The following GRM2 variants were observed in gnomAD, a reference collection of about 807,000 sequenced individuals.
GRM2 encodes the protein glutamate metabotropic receptor 2, also known as metabotropic glutamate receptor 2.
In GRM2, 35 loss-of-function variants were observed where a neutral mutation model predicts 60.4. The observed-to-expected ratio is 0.58, with a 90% CI of 0.44 to 0.77. GRM2 has a LOEUF of 0.77. Among genes scored for constraint, GRM2 ranks in the 30% least tolerant of loss-of-function variants. The pLI is 0.00. For missense variants in GRM2, 925 were observed against 1,199.5 expected (o/e 0.77, Z 3.38); for synonymous variants, 437 against 484.1 (o/e 0.90, Z 1.28).
In GRM2 at chr3:51,713,354, G is replaced by C; in HGVS notation, c.1288+44G>C. 1 of 1,304,708 alleles carries C rather than the reference G, an allele frequency of 7.7e-7. No homozygotes were observed. The highest frequency in any genetic ancestry group is 1.3e-5 in the South Asian group (1 of 74,586). The allele number at this position is 1,304,708 out of a possible 1,614,324, so 80.8% of individuals were successfully genotyped here. On this transcript the variant is annotated intron_variant, in intron 3 of 5. Transcript: ENST00000395052. The surrounding 1 kb of genome is among the most constrained non-coding windows in gnomAD (Gnocchi z 4.8). Reference sequence around the variant, plus strand: ...GTCCATTGGCCTGCTGGCTGTCAGAGGATGAGGGGAAGCAGAACTTCAGCT... The same window carrying C: ...GTCCATTGGCCTGCTGGCTGTCAGACGATGAGGGGAAGCAGAACTTCAGCT...
Position 51,709,352 on chromosome 3 carries a change from C to A in GRM2, c.369C>A (p.Asp123Glu). 6.3e-7 allele frequency: 1 copy of A among 1,593,888 alleles called. No individual in the cohort carries two copies. Among genetic ancestry groups the A allele is most frequent in the Non-Finnish European group, 8.6e-7 (1 of 1,164,278 alleles). ...GADGSRHICP[D>E]GSYATHGDAP... ...ATGGCTCACGCCACATCTGCCCCGA[C>A]GGCTCTTATGCGACCCATGGTGATG... is the stretch of plus-strand genomic sequence containing the variant. Residue 123 changes from aspartate (D) to glutamate (E), a missense_variant, in exon 2 of 6, where the codon GAC (aspartate) becomes GAA (glutamate). By Grantham distance (45) the Asp-to-Glu change is conservative. Transcript: ENST00000395052.
At position 51,716,135 on chromosome 3, in the gene GRM2, CG is replaced by C. The variant is rs1703892456; in HGVS notation, c.2364+1del. On this transcript the variant is annotated frameshift_variant and splice_region_variant, in exon 4 of 6. Transcript: ENST00000395052. LOFTEE classifies it high-confidence loss of function. This position sits in a 1 kb window ranked among gnomAD's most constrained non-coding sequence, Gnocchi z 4.0. Reference sequence around the variant, plus strand: ...CTTCTATGTCACCTCCAGTGACTACCGGGTGAGCTACCTGCCACAGAGGTCG... The same window carrying C: ...CTTCTATGTCACCTCCAGTGACTACCGGTGAGCTACCTGCCACAGAGGTCG... The part of the protein sequence containing the change: ...PIFYVTSSDY[R>X]VQTTTMCVSV... 2 of 1,596,336 alleles carry C rather than the reference CG, an allele frequency of 1.3e-6. No homozygotes were observed. Among genetic ancestry groups the C allele is most frequent in the African/African-American group, 2.7e-5 (2 of 74,636 alleles).
chr3:51,717,651 C>G lies in GRM2; in HGVS notation c.2379C>G (p.Thr793=). ...ACCCACCGCAGGTACAGACCACCAC[C>G]ATGTGCGTGTCAGTCAGCCTCAGCG... ...TSSDYRVQTT[T]MCVSVSLSGS... The change falls in exon 5 of 6, where the codon ACC becomes ACG. Residue 793 remains threonine, a synonymous_variant. Coordinates refer to ENST00000395052, the MANE Select transcript of GRM2 (RefSeq NM_000839.5). This position sits in a 1 kb window ranked among gnomAD's most constrained non-coding sequence, Gnocchi z 6.0. 1 of 1,613,540 alleles carries G rather than the reference C, an allele frequency of 6.2e-7. No individual in the cohort carries two copies. Among genetic ancestry groups the G allele is most frequent in the Non-Finnish European group, 8.5e-7 (1 of 1,179,876 alleles).
chr3:51,713,377 G>T lies in GRM2; in HGVS notation c.1288+67G>T. On this transcript the variant is annotated intron_variant, in intron 3 of 5. Transcript: ENST00000395052. This position sits in a 1 kb window ranked among gnomAD's most constrained non-coding sequence, Gnocchi z 4.8. ...GAGGATGAGGGGAAGCAGAACTTCA[G>T]CTTCCATTCCTTTGCTAAGGAAACA... 2 of 1,101,996 alleles carry T rather than the reference G, an allele frequency of 1.8e-6. No individual in the cohort carries two copies. Among genetic ancestry groups the T allele is most frequent in the Non-Finnish European group, 2.6e-6 (2 of 759,390 alleles). The allele number at this position is 1,101,996 out of a possible 1,614,324, so 68.3% of individuals were successfully genotyped here.
chr3:51,712,443 T>G lies in GRM2; in HGVS notation c.451-30T>G. 1 of 1,457,482 alleles carries G rather than the reference T, an allele frequency of 6.9e-7. No individual in the cohort carries two copies. Among genetic ancestry groups the G allele is most frequent in the Non-Finnish European group, 9.6e-7 (1 of 1,044,226 alleles). The allele number at this position is 1,457,482 out of a possible 1,614,324, so 90.3% of individuals were successfully genotyped here. A position where few individuals can be genotyped will look rare whatever the true frequency, so the allele number is the denominator to read the frequency against. ...TGTCTCTAGTGTTTGATCTGACCGC[T>G]GATCTTTGCCTTCTCTACTCCTCCC... On this transcript the variant is annotated intron_variant, in intron 2 of 5. Transcript: ENST00000395052. The surrounding 1 kb of genome is among the most constrained non-coding windows in gnomAD (Gnocchi z 5.3).
Position 51,716,120 on chromosome 3 carries a change from A to G in GRM2, c.2347A>G (p.Thr783Ala). 1.2e-6 allele frequency: 2 copies of G among 1,611,066 alleles called. No individual in the cohort carries two copies. Among genetic ancestry groups the G allele is most frequent in the African/African-American group, 1.3e-5 (1 of 74,908 alleles). Residue 783 changes from threonine (T) to alanine (A), a missense_variant, in exon 4 of 6, where the codon ACC becomes GCC. Thr to Ala is a moderately conservative substitution (Grantham distance 58). Transcript: ENST00000395052. This position sits in a 1 kb window ranked among gnomAD's most constrained non-coding sequence, Gnocchi z 4.0. ...WLAFLPIFYV[T>A]SSDYRVQTTT... Reference sequence around the variant, plus strand: ...GGCATTCCTGCCCATCTTCTATGTCACCTCCAGTGACTACCGGGTGAGCTA... The same window carrying G: ...GGCATTCCTGCCCATCTTCTATGTCGCCTCCAGTGACTACCGGGTGAGCTA...
rs1376741910 is a variant in GRM2 at position 51,715,728 on chromosome 3, C to T, written c.1955C>T (p.Thr652Ile). Reference protein sequence around the residue: ...AFSVCYSALLTKTNRIARIFG... With the variant: ...AFSVCYSALLIKTNRIARIFG... ...TCTGTCTGCTACTCAGCCCTGCTCA[C>T]CAAGACCAACCGCATTGCACGCATC... Residue 652 changes from threonine to isoleucine, a missense_variant, in exon 4 of 6, where the codon ACC becomes ATC. By Grantham distance (89) the Thr-to-Ile change is moderately conservative. Transcript: ENST00000395052. This position sits in a 1 kb window ranked among gnomAD's most constrained non-coding sequence, Gnocchi z 9.0. 1 of 1,614,202 alleles carries T rather than the reference C, an allele frequency of 6.2e-7. No homozygotes were observed. The highest frequency in any genetic ancestry group is 8.5e-7 in the Non-Finnish European group (1 of 1,180,020).
In GRM2 at chr3:51,712,462, T is replaced by A; in HGVS notation, c.451-11T>A. On this transcript the variant is annotated splice_polypyrimidine_tract_variant and intron_variant, in intron 2 of 5. Coordinates refer to ENST00000395052, the MANE Select transcript of GRM2 (RefSeq NM_000839.5). This position sits in a 1 kb window ranked among gnomAD's most constrained non-coding sequence, Gnocchi z 5.3. ...GACCGCTGATCTTTGCCTTCTCTAC[T>A]CCTCCCCCAGGTGGCCAACCTCTTG... 1 of 1,579,426 alleles carries A rather than the reference T, an allele frequency of 6.3e-7. No homozygotes were observed.
chr3:51,713,563 T>C lies in GRM2; in HGVS notation c.1288+253T>C, dbSNP rs2107110520. On this transcript the variant is annotated intron_variant, in intron 3 of 5. Coordinates refer to ENST00000395052, the MANE Select transcript of GRM2 (RefSeq NM_000839.5). This position sits in a 1 kb window ranked among gnomAD's most constrained non-coding sequence, Gnocchi z 4.8. The stretch of plus-strand genomic sequence containing the variant: ...CATTTTGAGGGTCTCTGGCTCCTCC[T>C]TGGGCCTTGCCCACTGTCTTCTGTC... The C allele has an allele frequency of 8.1e-6, 4 of 495,376 alleles. No homozygotes were observed. Among genetic ancestry groups the C allele is most frequent in the Middle Eastern group, 5.3e-4 (1 of 1,890 alleles). 30.7% of individuals were successfully genotyped at this position (495,376 alleles called of 1,614,324 possible). A position where few individuals can be genotyped will look rare whatever the true frequency, so the allele number is the denominator to read the frequency against.
rs1440714610 is a variant in GRM2 at position 51,715,944 on chromosome 3, G to A, written c.2171G>A (p.Arg724His). The A allele has an allele frequency of 3.1e-6, 5 of 1,613,924 alleles. No individual in the cohort carries two copies. The highest frequency in any genetic ancestry group is 2.2e-5 in the East Asian group (1 of 44,894). The change falls in exon 4 of 6, where the codon CGC becomes CAC. Residue 724 changes from arginine (R) to histidine (H), a missense_variant. Arg to His is a conservative substitution (Grantham distance 29). Coordinates refer to ENST00000395052, the MANE Select transcript of GRM2 (RefSeq NM_000839.5). The surrounding 1 kb of genome is among the most constrained non-coding windows in gnomAD (Gnocchi z 9.0). ...REVVTLRCNH[R>H]DASMLGSLAY... ...GTGGTGACACTGCGCTGCAACCACCGCGATGCAAGTATGTTGGGCTCGCTG... is the reference window on the plus strand; with the variant it reads ...GTGGTGACACTGCGCTGCAACCACCACGATGCAAGTATGTTGGGCTCGCTG...
chr3:51,714,858 G>A (rs191677769), intron 3 of GRM2: 5 of 443,850 alleles, frequency 1.1e-5, no homozygotes, highest in African/African-American at 8.1e-5. Context: ...GTTTGATGTT[G>A]GAGTTTAGGA....
Position 51,718,518 on chromosome 3 carries a change from G to T in GRM2, c.*406G>T. On this transcript the variant is annotated 3_prime_UTR_variant, in exon 6 of 6. Coordinates refer to ENST00000395052, the MANE Select transcript of GRM2 (RefSeq NM_000839.5). The surrounding 1 kb of genome is among the most constrained non-coding windows in gnomAD (Gnocchi z 4.2). ...TATAAGTTACTCTGGGATGGGGAGG[G>T]TGGTTATTGTGGGGGCTGCCCCTCC... 1 of 193,764 alleles carries T rather than the reference G, an allele frequency of 5.2e-6. No homozygotes were observed. The highest frequency in any genetic ancestry group is 1.1e-5 in the Non-Finnish European group (1 of 94,056). The allele number at this position is 193,764 out of a possible 1,614,324, so 12.0% of individuals were successfully genotyped here.
chr3:51,709,619 T>A (rs1703619929), intron 2 of GRM2, among the ~76,000 whole-genome samples, 186 bp downstream of exon 2: 1 of 143,950 alleles, frequency 6.9e-6, no homozygotes, highest in African/African-American at 2.8e-5. Flanking sequence ...TTTTAGAGAC[T>A]GTGCAAGAGA....
At position 51,717,073 on chromosome 3, in the gene GRM2, G is replaced by C. The variant is rs991000218; in HGVS notation, c.2365-564G>C. 1.3e-5 allele frequency among the ~76,000 whole-genome samples: 2 copies of C among 151,830 alleles called. No homozygotes were observed. Among genetic ancestry groups the C allele is most frequent in the Admixed American group, 6.6e-5 (1 of 15,240 alleles). Reference sequence around the variant, plus strand: ...GATTTGCATTTGCATGCCAATCACAGGCAGCTAAGGACTCACCTGAGACAC... The same window carrying C: ...GATTTGCATTTGCATGCCAATCACACGCAGCTAAGGACTCACCTGAGACAC... On this transcript the variant is annotated intron_variant, in intron 4 of 5. Transcript: ENST00000395052. This position sits in a 1 kb window ranked among gnomAD's most constrained non-coding sequence, Gnocchi z 6.0.
Position 51,717,619 on chromosome 3 carries a change from C to T in GRM2, c.2365-18C>T, listed in dbSNP as rs1196618619. 1 of 1,606,238 alleles carries T rather than the reference C, an allele frequency of 6.2e-7. No homozygotes were observed. Among genetic ancestry groups the T allele is most frequent in the Non-Finnish European group, 8.5e-7 (1 of 1,175,406 alleles). On this transcript the variant is annotated intron_variant, in intron 4 of 5. Transcript: ENST00000395052. The surrounding 1 kb of genome is among the most constrained non-coding windows in gnomAD (Gnocchi z 6.0). ...CCAGGTCTTGACCTGTGCTTGTTCA[C>T]CCACTCACCCACCGCAGGTACAGAC...
rs1439140889 is a variant in GRM2, at chr3:51,709,121, A to T, written c.138A>T (p.Pro46=). 1.2e-6 allele frequency: 2 copies of T among 1,612,194 alleles called. No homozygotes were observed. Among genetic ancestry groups the T allele is most frequent in the Non-Finnish European group, 1.7e-6 (2 of 1,179,158 alleles). ...TCCCAGTGCACCAGAAGGGCGGCCC[A>T]GCAGAGGACTGTGGTCCTGTCAATG... ...GLFPVHQKGG[P]AEDCGPVNEH... Residue 46 remains proline, a synonymous_variant, in exon 2 of 6, where the codon CCA becomes CCT. Transcript: ENST00000395052.
At chr3:51,708,459 T>G (rs2107082793) in intron 1 of GRM2, 2 of 152,650 alleles carry the variant, frequency 1.3e-5, no homozygotes, top group South Asian at 4.1e-4. Context: ...CCTCTGAGTT[T>G]GTGACTGTGA....
intron 1 of GRM2, 71 bp from the exon 2 acceptor site, chr3:51,708,777 G>A: frequency 7.8e-6 from 4 of 513,808 alleles, no homozygotes; most frequent in Non-Finnish European, 1.0e-5. Flanking sequence ...GGGAGGCAGA[G>A]TCAGAAGGGG....
At chr3:51,707,483 AGGCTCCT>A (rs2107079499) in intron 1 of GRM2, 1 of 153,694 alleles carries the variant, frequency 6.5e-6, no homozygotes, top group African/African-American at 2.4e-5. Context: ...TTTGTGGCCC[AGGCTCCT>A]GGCTGTCTGA....
Sources: gnomAD v4.1 joint callset for allele counts (sites outside exome capture counted in the v4.1 genomes callset) on GRCh38, gnomAD v4.1.1 for gene constraint, Gnocchi (gnomAD v3.1) non-coding constraint, MANE v1.5 for transcripts, NCBI Gene and HGNC (gene_info 2026-07-23, HGNC 2026-07-21) for gene names.